Variants in CERT1 observed in about 807,000 individuals in gnomAD.
CERT1 encodes the protein ceramide transfer protein.
Under a neutral mutation model 87.9 loss-of-function variants are expected in CERT1, and 31 were observed. The observed-to-expected ratio is 0.35, with a 90% CI of 0.27 to 0.48. CERT1 has a LOEUF of 0.48. Among genes scored for constraint, CERT1 ranks in the 20% least tolerant of loss-of-function variants. The pLI, the probability that CERT1 is intolerant of heterozygous loss-of-function variation, is 0.99. For synonymous variants in CERT1, 289 were observed against 250.9 expected (o/e 1.15, Z -1.44); for missense variants, 487 against 758.0 (o/e 0.64, Z 4.20).
At position 75,382,167 on chromosome 5, in the gene CERT1, A is replaced by G. The variant is rs575431378; in HGVS notation, c.1489-90T>C. 3.8e-5 allele frequency: 46 copies of G among 1,208,514 alleles called. No individual in the cohort carries two copies. In the Middle Eastern group the frequency reaches 1.8e-3, roughly 47 times the overall value. The allele number at this position is 1,208,514 out of a possible 1,614,324, so 74.9% of individuals were successfully genotyped here. A position where few individuals can be genotyped will look rare whatever the true frequency, so the allele number is the denominator to read the frequency against. The stretch of plus-strand genomic sequence containing the variant: ...GCCAATAAATGTCTTAATTGAAGGT[A>G]AAATCTCTCAAATTTTAAATGGAAA... On this transcript the variant is annotated intron_variant, in intron 14 of 16. Transcript: ENST00000643780.
At chr5:75,381,578 A>C (rs898205438) in intron 15 of CERT1, among the ~76,000 whole-genome samples, 6 of 152,182 alleles carry the variant, frequency 3.9e-5, no homozygotes, top group African/African-American at 1.4e-4. Flanking sequence ...CATGTTGCCC[A>C]GGATCCCTTC....
At chr5:75,460,465 G>A (rs1181549317) in intron 2 of CERT1, among the ~76,000 whole-genome samples, 1 of 152,138 alleles carries the variant, frequency 6.6e-6, no homozygotes. Flanking sequence ...TTTTGATTCA[G>A]TGCTCTTGAC....
intron 2 of CERT1, among the ~76,000 whole-genome samples, chr5:75,479,975 A>G (rs1018742981): frequency 1.3e-5 from 2 of 152,162 alleles, no homozygotes; most frequent in African/African-American, 2.4e-5. Context: ...CTTTTTAATA[A>G]TAGCCATTCT....
intron 2 of CERT1, among the ~76,000 whole-genome samples, chr5:75,487,695 T>A (rs917602603): frequency 6.6e-6 from 1 of 151,926 alleles, no homozygotes; most frequent in South Asian, 2.1e-4. Flanking sequence ...AAAGACAACA[T>A]ACACTGGGCA....
chr5:75,395,555 C>CAAAAAAAAAAAAAAAAAAAAA (rs35109034), intron 11 of CERT1, among the ~76,000 whole-genome samples: 1 of 48,012 alleles, frequency 2.1e-5, no homozygotes, highest in African/African-American at 7.2e-5. Flanking sequence ...TGTCTCTTTA[C>CAAAAAAAAAAAAAAAAAAAAA]AAAAAAAAAA....
intron 3 of CERT1, among the ~76,000 whole-genome samples, chr5:75,431,525 C>A (rs559284920): frequency 6.6e-6 from 1 of 152,302 alleles, no homozygotes; most frequent in East Asian, 1.9e-4. Flanking sequence ...TGGCATCACC[C>A]ACCTGATCCC....
At chr5:75,505,905 T>C in intron 2 of CERT1, 77 bp downstream of exon 2, 2 of 1,139,376 alleles carry the variant, frequency 1.8e-6, no homozygotes, top group Non-Finnish European at 2.6e-6. Context: ...GGATGTATCC[T>C]GAACACGTAG....
chr5:75,492,631 C>G (rs1766852865), intron 2 of CERT1, among the ~76,000 whole-genome samples: 1 of 152,310 alleles, frequency 6.6e-6, no homozygotes, highest in African/African-American at 2.4e-5. Context: ...ATTTCTGATA[C>G]AATCACTATA....
chr5:75,401,334 G>A (rs928122808), intron 9 of CERT1: 2 of 152,188 alleles, frequency 1.3e-5, no homozygotes, highest in African/African-American at 2.4e-5. Flanking sequence ...ATATTCAGTA[G>A]AGTAGCATTT....
At chr5:75,389,541 G>T in intron 12 of CERT1, 51 bp downstream of exon 12, 2 of 1,344,226 alleles carry the variant, frequency 1.5e-6, no homozygotes, top group South Asian at 2.3e-5. Context: ...ATGATAATAT[G>T]ACTGAAACAG....
chr5:75,439,952 C>T (rs934753405), intron 3 of CERT1, among the ~76,000 whole-genome samples: 10 of 151,908 alleles, frequency 6.6e-5, no homozygotes, highest in Admixed American at 2.6e-4. Flanking sequence ...TAGCAAAAAC[C>T]CCACAAGAAC....
intron 2 of CERT1, among the ~76,000 whole-genome samples, chr5:75,461,163 C>T (rs915911828): frequency 4.6e-5 from 7 of 152,070 alleles, no homozygotes; most frequent in East Asian, 3.8e-4. Flanking sequence ...GTCACAAACC[C>T]GTGCCAGTCC....
intron 11 of CERT1, among the ~76,000 whole-genome samples, chr5:75,392,813 C>CA (rs1561229059): frequency 2.0e-5 from 3 of 150,870 alleles, no homozygotes; most frequent in South Asian, 4.2e-4. Context: ...ACTAAAAATA[C>CA]AAAAAAATTG....
At chr5:75,401,143 T>C (rs1174628219) in intron 9 of CERT1, 1 of 152,212 alleles carries the variant, frequency 6.6e-6, no homozygotes, top group African/African-American at 2.4e-5. Flanking sequence ...CTCTGTCATA[T>C]CAACATGCCT....
Position 75,378,968 on chromosome 5 carries a change from CA to C in CERT1, c.*377del, listed in dbSNP as rs919307488. ...CTGAGGCAGGAGGATTGTCTGAGGCCAGGAGTTCAAGACCAGCTTGGGTAAC... is the reference window on the plus strand; with the variant it reads ...CTGAGGCAGGAGGATTGTCTGAGGCCGGAGTTCAAGACCAGCTTGGGTAAC... On this transcript the variant is annotated 3_prime_UTR_variant, in exon 17 of 17. Coordinates refer to ENST00000643780, the MANE Select transcript of CERT1 (RefSeq NM_001379029.1). 6.4e-6 allele frequency: 1 copy of C among 157,202 alleles called. No individual in the cohort carries two copies. The highest frequency in any genetic ancestry group is 2.4e-5 in the African/African-American group (1 of 41,552). 9.7% of individuals were successfully genotyped at this position (157,202 alleles called of 1,614,324 possible).
intron 2 of CERT1, among the ~76,000 whole-genome samples, chr5:75,477,416 C>A (rs1580826120): frequency 6.6e-6 from 1 of 151,842 alleles, no homozygotes; most frequent in Non-Finnish European, 1.5e-5. Flanking sequence ...AGGTTTTCTA[C>A]TCTCTGTTGT....
At chr5:75,435,513 T>C (rs890346908) in intron 3 of CERT1, among the ~76,000 whole-genome samples, 1 of 152,242 alleles carries the variant, frequency 6.6e-6, no homozygotes, top group African/African-American at 2.4e-5. Context: ...TTAGAGTTGC[T>C]AGACTTCTTG....
At chr5:75,480,469 A>G (rs930102017) in intron 2 of CERT1, among the ~76,000 whole-genome samples, 1 of 152,220 alleles carries the variant, frequency 6.6e-6, no homozygotes, top group African/African-American at 2.4e-5. Flanking sequence ...ACAAGGGGGA[A>G]AAATGGAATT....
At chr5:75,391,556 CTTTTGGTG>C (rs1762029075) in intron 11 of CERT1, among the ~76,000 whole-genome samples, 1 of 152,148 alleles carries the variant, frequency 6.6e-6, no homozygotes, top group South Asian at 2.1e-4. Flanking sequence ...GAAAATATAA[CTTTTGGTG>C]TTGCATGGAG....
Sources: allele counts gnomAD v4.1 joint callset (sites outside exome capture counted in the v4.1 genomes callset), GRCh38; gene constraint gnomAD v4.1.1; transcripts MANE v1.5; gene names NCBI Gene and HGNC (gene_info 2026-07-23, HGNC 2026-07-21).